NRXN1: variants seen among roughly 807,000 people sequenced by gnomAD.
NRXN1 encodes the protein neurexin 1, also known as neurexin-1.
In NRXN1, 39 loss-of-function variants were observed where a neutral mutation model predicts 150.9. The ratio of observed to expected loss-of-function variants is 0.26; its 90% CI spans 0.20 to 0.34. The LOEUF is 0.34. Ranked by LOEUF, NRXN1 falls within the 10% of genes least tolerant of loss-of-function variation. The probability of loss-of-function intolerance (pLI) is 1.00; values close to 1 mark genes in which losing one functional copy is unlikely to be tolerated. For synonymous variants in NRXN1, 924 were observed against 757.0 expected (o/e 1.22, Z -3.62); for missense variants, 1,815 against 1,949.9 (o/e 0.93, Z 1.30).
At chr2:50,151,649 G>C (rs990875617) in intron 18 of NRXN1, among the ~76,000 whole-genome samples, 2 of 151,776 alleles carry the variant, frequency 1.3e-5, no homozygotes, top group African/African-American at 4.8e-5. Flanking sequence ...ACAGAAAGTA[G>C]ATTAGTGGCT....
chr2:50,067,653 G>C (rs772243481), intron 19 of NRXN1, among the ~76,000 whole-genome samples: 1 of 152,168 alleles, frequency 6.6e-6, no homozygotes, highest in Non-Finnish European at 1.5e-5. Context: ...TAGCATTTAA[G>C]ACAGAAGAAT....
chr2:50,857,145 C>T lies in NRXN1; in HGVS notation c.832+64724G>A, dbSNP rs140855064. ...GGAGACTATTTTAATTACTAAGATG[C>T]TTTGTTGAGAGATTATTTTGATACA... On this transcript the variant is annotated intron_variant, in intron 5 of 22. Transcript: ENST00000401669. Among the ~76,000 whole-genome samples the T allele has an allele frequency of 2.7e-3, 406 of 152,120 alleles. 1 individual carries two copies. Among genetic ancestry groups the T allele is most frequent in the Non-Finnish European group, 3.9e-3 (264 of 67,960 alleles).
At chr2:50,106,574 C>A (rs556397061) in intron 18 of NRXN1, among the ~76,000 whole-genome samples, 13 of 151,824 alleles carry the variant, frequency 8.6e-5, no homozygotes, top group Non-Finnish European at 1.8e-4. Flanking sequence ...TAAGTTAGGG[C>A]CAAGATGAAC....
Position 50,229,477 on chromosome 2 carries a change from C to T in NRXN1, c.3546+7312G>A, listed in dbSNP as rs188235978. 5.9e-5 allele frequency among the ~76,000 whole-genome samples: 9 copies of T among 152,050 alleles called. No homozygotes were observed. The East Asian group carries it at 1.7e-3, about 30-fold the overall frequency. Reference sequence around the variant, plus strand: ...ATCAATCTATATTGTGTTTAGAGTTCTGCAAAGCCTCCTTAATAACGTGCT... The same window carrying T: ...ATCAATCTATATTGTGTTTAGAGTTTTGCAAAGCCTCCTTAATAACGTGCT... On this transcript the variant is annotated intron_variant, in intron 18 of 22. Coordinates refer to ENST00000401669, the MANE Select transcript of NRXN1 (RefSeq NM_001330078.2).
chr2:50,429,777 A>G (rs1438646690), intron 17 of NRXN1, among the ~76,000 whole-genome samples: 1 of 152,144 alleles, frequency 6.6e-6, no homozygotes, highest in Non-Finnish European at 1.5e-5. Flanking sequence ...TTCTGAGATC[A>G]TGAGTTGTGC....
chr2:50,633,451 CT>C (rs1446524380), intron 5 of NRXN1, among the ~76,000 whole-genome samples: 1 of 151,784 alleles, frequency 6.6e-6, no homozygotes, highest in Non-Finnish European at 1.5e-5. Flanking sequence ...AAGAAATGTA[CT>C]TTTGTAACTC....
chr2:50,898,650 TC>T, intron 5 of NRXN1: 1 of 427,870 alleles, frequency 2.3e-6, no homozygotes, highest in Non-Finnish European at 4.6e-6. Context: ...CAATCTAAAT[TC>T]CCACATTTCA....
intron 17 of NRXN1, among the ~76,000 whole-genome samples, chr2:50,262,438 G>T (rs1271876134): frequency 6.6e-6 from 1 of 151,900 alleles, no homozygotes; most frequent in Non-Finnish European, 1.5e-5. Flanking sequence ...TTAGAACCTA[G>T]TTATGTAATT....
At chr2:50,659,621 C>G (rs1687005305) in intron 5 of NRXN1, among the ~76,000 whole-genome samples, 1 of 151,698 alleles carries the variant, frequency 6.6e-6, no homozygotes. Flanking sequence ...ATAAATGCCA[C>G]ACTTATTTGG....
chr2:50,328,025 T>C (rs1457185150), intron 17 of NRXN1, among the ~76,000 whole-genome samples: 2 of 151,984 alleles, frequency 1.3e-5, no homozygotes, highest in African/African-American at 4.8e-5. Context: ...ATTTTCCTCG[T>C]AGGATTTTTT....
chr2:50,489,680 T>C (rs2091120924), intron 15 of NRXN1, among the ~76,000 whole-genome samples: 1 of 151,702 alleles, frequency 6.6e-6, no homozygotes, highest in Non-Finnish European at 1.5e-5. Context: ...TTGGAGGGAG[T>C]TGATAAAACT....
intron 5 of NRXN1, among the ~76,000 whole-genome samples, chr2:50,639,223 T>TTTC (rs34532583): frequency 0.27 from 29,062 of 109,190 alleles, 3,148 homozygotes; most frequent in East Asian, 0.39. Flanking sequence ...TCTTTCTTTC[T>TTTC]TTTTTTTTTT....
At chr2:50,741,628 T>C (rs1699438277) in intron 5 of NRXN1, among the ~76,000 whole-genome samples, 1 of 152,164 alleles carries the variant, frequency 6.6e-6, no homozygotes, top group Non-Finnish European at 1.5e-5. Context: ...GCTCAGGAGA[T>C]TTCTCATGTT....
At chr2:50,833,256 T>C (rs960310189) in intron 5 of NRXN1, among the ~76,000 whole-genome samples, 2 of 152,230 alleles carry the variant, frequency 1.3e-5, no homozygotes, top group African/African-American at 4.8e-5. Context: ...ACAGTTCCTC[T>C]GGAAAACAGT....
chr2:50,535,811 A>G (rs2093242788), intron 10 of NRXN1, among the ~76,000 whole-genome samples: 1 of 152,138 alleles, frequency 6.6e-6, no homozygotes, highest in East Asian at 1.9e-4. Flanking sequence ...CTATAATGCA[A>G]TTGCAACATA....
Position 50,188,451 on chromosome 2 carries a change from A to G in NRXN1, c.3546+48338T>C, listed in dbSNP as rs184580559. 1.5e-3 allele frequency among the ~76,000 whole-genome samples: 222 copies of G among 152,338 alleles called. 3 individuals are homozygous for G. The highest frequency in any genetic ancestry group is 2.9e-3 in the Admixed American group (44 of 15,282). ...GAAAACCTAGGCAACACCATTCAGG[A>G]CATAAGCATGGGCAAAAACTTCATA... is the stretch of plus-strand genomic sequence containing the variant. On this transcript the variant is annotated intron_variant, in intron 18 of 22. Coordinates refer to ENST00000401669, the MANE Select transcript of NRXN1 (RefSeq NM_001330078.2).
At chr2:50,939,955 C>A (rs1205190683) in intron 2 of NRXN1, among the ~76,000 whole-genome samples, 1 of 152,068 alleles carries the variant, frequency 6.6e-6, no homozygotes, top group Non-Finnish European at 1.5e-5. Flanking sequence ...AAGAACCACC[C>A]ATTGCATTTA....
chr2:50,572,589 CT>C (rs1376660931), intron 8 of NRXN1, among the ~76,000 whole-genome samples: 2 of 152,190 alleles, frequency 1.3e-5, no homozygotes, highest in East Asian at 3.9e-4. Flanking sequence ...CTGATGTAGG[CT>C]TTTTCTATCC....
chr2:49,987,312 A>AAGGTCTTACAAC, intron 21 of NRXN1, among the ~76,000 whole-genome samples: 1 of 152,284 alleles, frequency 6.6e-6, no homozygotes, highest in African/African-American at 2.4e-5. Context: ...CCTCACTGAA[A>AAGGTCTTACAAC]AGGTCTTACA....
Sources: allele counts gnomAD v4.1 joint callset (sites outside exome capture counted in the v4.1 genomes callset), GRCh38; gene constraint gnomAD v4.1.1; transcripts MANE v1.5; gene names NCBI Gene and HGNC (gene_info 2026-07-23, HGNC 2026-07-21).